Variants in CSMD3 observed in about 807,000 individuals in gnomAD.
CSMD3 encodes the protein CUB and sushi domain-containing protein 3.
CSMD3 carries 177 observed loss-of-function variants against 435.2 expected under a neutral mutation model. That is an observed-to-expected ratio of 0.41 (90% CI 0.36 to 0.46). CSMD3 has a LOEUF of 0.46. CSMD3 is among the 20% of genes least tolerant of loss of function. The pLI is 0.34. For missense variants in CSMD3, 4,265 were observed against 4,504.6 expected (o/e 0.95, Z 1.52); for synonymous variants, 1,656 against 1,520.5 (o/e 1.09, Z -2.07).
chr8:112,886,768 G>C (rs2130275883), intron 10 of CSMD3, among the ~76,000 whole-genome samples: 1 of 151,548 alleles, frequency 6.6e-6, no homozygotes, highest in African/African-American at 2.4e-5. Context: ...AAATGTGGTA[G>C]TATTTACATA....
intron 5 of CSMD3, among the ~76,000 whole-genome samples, chr8:113,049,666 A>G (rs1055708885): frequency 6.6e-6 from 1 of 152,234 alleles, no homozygotes; most frequent in African/African-American, 2.4e-5. Context: ...CTTTATGTTG[A>G]CATTTTCAAT....
intron 23 of CSMD3, among the ~76,000 whole-genome samples, chr8:112,574,861 A>G (rs1829817280): frequency 6.6e-6 from 1 of 151,884 alleles, no homozygotes; most frequent in African/African-American, 2.4e-5. Context: ...AGATTGCCTT[A>G]CTTACTCATG....
intron 11 of CSMD3, among the ~76,000 whole-genome samples, chr8:112,839,808 A>G (rs1412854357): frequency 6.6e-6 from 1 of 151,680 alleles, no homozygotes; most frequent in Non-Finnish European, 1.5e-5. Context: ...CAAAATGATT[A>G]GATACACAAC....
At chr8:112,616,654 A>G (rs1158455152) in intron 22 of CSMD3, among the ~76,000 whole-genome samples, 1 of 152,066 alleles carries the variant, frequency 6.6e-6, no homozygotes, top group Non-Finnish European at 1.5e-5. Context: ...TATTACACAG[A>G]CAGGAAACAC....
At chr8:112,304,666 CA>C (rs1372209268) in intron 52 of CSMD3, 54 bp downstream of exon 52, 8 of 1,344,394 alleles carry the variant, frequency 6.0e-6, no homozygotes, top group African/African-American at 1.4e-5. Flanking sequence ...CTGATTCAAA[CA>C]ATTCGATAAC....
At chr8:112,829,597 G>A in intron 12 of CSMD3, 89 bp downstream of exon 12, 1 of 759,902 alleles carries the variant, frequency 1.3e-6, no homozygotes, top group Non-Finnish European at 2.4e-6. Context: ...TGGTAGTAGT[G>A]GGAGCGATCA....
At chr8:112,557,471 G>C (rs1014206159) in intron 24 of CSMD3, among the ~76,000 whole-genome samples, 2 of 151,962 alleles carry the variant, frequency 1.3e-5, no homozygotes, top group African/African-American at 4.8e-5. Context: ...TGATTAGAAG[G>C]TTGTGTTGGA....
intron 43 of CSMD3, 103 bp downstream of exon 43, chr8:112,337,440 A>G (rs1824683420): frequency 1.2e-6 from 1 of 866,416 alleles, no homozygotes; most frequent in South Asian, 1.4e-5. Context: ...GAGAGACTAT[A>G]TATTTAGCAT....
intron 10 of CSMD3, among the ~76,000 whole-genome samples, chr8:112,867,182 T>G (rs2081008398): frequency 1.3e-5 from 2 of 152,142 alleles, no homozygotes; most frequent in Admixed American, 1.3e-4. Context: ...ATCCCTGACT[T>G]CACAGAAGTA....
intron 25 of CSMD3, 43 bp downstream of exon 25, chr8:112,556,719 GT>G (rs1224658395): frequency 6.7e-7 from 1 of 1,492,498 alleles, no homozygotes; most frequent in Non-Finnish European, 9.3e-7. Context: ...ATTTGATAAA[GT>G]TTTCACAGAA....
chr8:112,603,530 T>C lies in CSMD3; in HGVS notation c.3716-16295A>G, dbSNP rs147588219. On this transcript the variant is annotated intron_variant, in intron 22 of 70. Transcript: ENST00000297405. Reference sequence around the variant, plus strand: ...GTGATTTTATATGGCATCTTTATATTTATTTACATTCCTCTCCACTGCAAA... The same window carrying C: ...GTGATTTTATATGGCATCTTTATATCTATTTACATTCCTCTCCACTGCAAA... Among the ~76,000 whole-genome samples the C allele has an allele frequency of 2.2e-3, 328 of 152,328 alleles. 3 individuals carry two copies. Among genetic ancestry groups the C allele is most frequent in the Non-Finnish European group, 3.8e-3 (260 of 68,018 alleles).
At chr8:112,986,175 A>G (rs1210120498) in intron 6 of CSMD3, among the ~76,000 whole-genome samples, 1 of 152,138 alleles carries the variant, frequency 6.6e-6, no homozygotes, top group South Asian at 2.1e-4. Context: ...GTAATCAACA[A>G]TTGTTTTGTT....
intron 2 of CSMD3, chr8:113,314,314 C>T: frequency 2.5e-6 from 1 of 404,684 alleles, no homozygotes; most frequent in East Asian, 4.8e-5. Flanking sequence ...AACAAAATAC[C>T]TTTAGCCACT....
chr8:113,347,357 T>C (rs756519772), intron 1 of CSMD3, among the ~76,000 whole-genome samples: 1 of 152,142 alleles, frequency 6.6e-6, no homozygotes, highest in Non-Finnish European at 1.5e-5. Context: ...CACACCTCCC[T>C]GGCTCTTCCT....
chr8:113,288,972 C>G (rs574386420), intron 2 of CSMD3, among the ~76,000 whole-genome samples: 2 of 151,676 alleles, frequency 1.3e-5, no homozygotes, highest in South Asian at 4.2e-4. Flanking sequence ...GATGATGAAC[C>G]CACCCAAGGT....
chr8:113,409,823 G>T (rs528036107), intron 1 of CSMD3, among the ~76,000 whole-genome samples: 1 of 151,376 alleles, frequency 6.6e-6, no homozygotes, highest in East Asian at 1.9e-4. Context: ...ACAACAAAAA[G>T]AATGCTTTGG....
chr8:113,049,819 T>C (rs2088008128), intron 5 of CSMD3, among the ~76,000 whole-genome samples: 1 of 152,198 alleles, frequency 6.6e-6, no homozygotes, highest in Admixed American at 6.5e-5. Context: ...AGAGAATATT[T>C]TCAGGGATTA....
At chr8:112,945,144 G>T (rs957449378) in intron 9 of CSMD3, among the ~76,000 whole-genome samples, 2 of 151,468 alleles carry the variant, frequency 1.3e-5, no homozygotes, top group African/African-American at 4.8e-5. Context: ...TGTTGTTCAA[G>T]CCTTGAAAAT....
intron 3 of CSMD3, among the ~76,000 whole-genome samples, chr8:113,217,867 A>C (rs2092923175): frequency 6.6e-6 from 1 of 151,410 alleles, no homozygotes; most frequent in Admixed American, 6.6e-5. Flanking sequence ...AAAGTTTAGT[A>C]AACCTCCAAT....
Sources: allele counts gnomAD v4.1 joint callset (sites outside exome capture counted in the v4.1 genomes callset), GRCh38; gene constraint gnomAD v4.1.1; transcripts MANE v1.5; gene names NCBI Gene and HGNC (gene_info 2026-07-23, HGNC 2026-07-21).